CCNJL: variants seen among roughly 807,000 people sequenced by gnomAD.
CCNJL encodes cyclin J like.
CCNJL carries 33 observed loss-of-function variants against 33.4 expected under a neutral mutation model. The observed-to-expected ratio is 0.99, with a 90% CI of 0.75 to 1.32. The LOEUF (loss-of-function observed/expected upper bound fraction) is 1.32. CCNJL is among the 40% of genes most tolerant of loss of function. CCNJL has a pLI of 0.00. For missense variants in CCNJL, 512 were observed against 499.7 expected (o/e 1.02, Z -0.23); for synonymous variants, 227 against 220.9 (o/e 1.03, Z -0.24).
In CCNJL at chr5:160,252,104, G is replaced by A. The variant is rs139894583; in HGVS notation, c.*1274C>T. 1,477 of 152,818 alleles carry A rather than the reference G, an allele frequency of 9.7e-3. 24 individuals are homozygous for A. Among genetic ancestry groups the A allele is most frequent in the African/African-American group, 0.033 (1,362 of 41,564 alleles). The allele number at this position is 152,818 out of a possible 1,614,324, so 9.5% of individuals were successfully genotyped here. ...TTTGCACCTCCCAGTTCTGCTGGGTGAACAATGTGTCCCCCAACCCCAAAC... is the reference window on the plus strand; with the variant it reads ...TTTGCACCTCCCAGTTCTGCTGGGTAAACAATGTGTCCCCCAACCCCAAAC... On this transcript the variant is annotated 3_prime_UTR_variant, in exon 6 of 6. Transcript: ENST00000257536.
intron 1 of CCNJL, 91 bp from the exon 2 acceptor site, chr5:160,312,063 C>T (rs1044245779): frequency 1.2e-6 from 1 of 819,898 alleles, no homozygotes; most frequent in East Asian, 2.7e-5. Context: ...GGCCCCGGGC[C>T]CCGGCGGGCG....
chr5:160,276,826 C>T (rs1239043746), intron 3 of CCNJL, among the ~76,000 whole-genome samples: 1 of 152,066 alleles, frequency 6.6e-6, no homozygotes, highest in African/African-American at 2.4e-5. Flanking sequence ...TTCTGTCACC[C>T]AGGCTGGAGT....
upstream of CCNJL, among the ~76,000 whole-genome samples, chr5:160,317,194 T>A (rs562963776): frequency 2.0e-4 from 31 of 152,238 alleles, no homozygotes; most frequent in Non-Finnish European, 4.3e-4. Context: ...CCAAATCCTT[T>A]ATGATCCTTG....
chr5:160,260,046 G>A (rs535823775), intron 3 of CCNJL, among the ~76,000 whole-genome samples: 1 of 152,316 alleles, frequency 6.6e-6, no homozygotes, highest in East Asian at 1.9e-4. Flanking sequence ...TACTTCATAA[G>A]GCTTTTGTTA....
intron 2 of CCNJL, among the ~76,000 whole-genome samples, chr5:160,297,583 G>C (rs1762786880): frequency 6.6e-6 from 1 of 150,398 alleles, no homozygotes. Flanking sequence ...AAGAAGCCAA[G>C]GTGGGAGGAT....
rs985683513 is a variant in CCNJL at position 160,311,955 on chromosome 5, C to G, written c.-32G>C. On this transcript the variant is annotated 5_prime_UTR_variant, in exon 2 of 6. Coordinates refer to ENST00000257536, the MANE Select transcript of CCNJL (RefSeq NM_001308173.3). ...CGCAGCGCCGCTATCCGAGGCTACC[C>G]GGCTCTCAGGGCGCACCCTGCGTGG... 1.2e-6 allele frequency: 2 copies of G among 1,610,762 alleles called. No homozygotes were observed.
rs1435863626 is a variant in CCNJL at position 160,280,529 on chromosome 5, A to C, written c.276T>G (p.Leu92=). 1 of 1,612,266 alleles carries C rather than the reference A, an allele frequency of 6.2e-7. No homozygotes were observed. Among genetic ancestry groups the C allele is most frequent in the South Asian group, 1.1e-5 (1 of 91,040 alleles). ...LYTVAVSCLL[L]ASKFEDREDH... ...AAGACGTAGGTTTTCGCTTACTTGCAAGCAGGAGGCAGGAGACGGCCACGG... is the reference window on the plus strand; with the variant it reads ...AAGACGTAGGTTTTCGCTTACTTGCCAGCAGGAGGCAGGAGACGGCCACGG... The change falls in exon 3 of 6, where the codon CTT becomes CTG. Residue 92 remains leucine (L), a synonymous_variant. Transcript: ENST00000257536.
rs757688602 is a variant in CCNJL at position 160,253,722 on chromosome 5, T to TG, written c.819dup (p.Thr274HisfsTer79). Reference sequence around the variant, plus strand: ...GGCTGGAACAGCACTTGAGTGGGGGTGGGGGGTGTGCCGGGCACCATTGCC... The same window carrying TG: ...GGCTGGAACAGCACTTGAGTGGGGGTGGGGGGGTGTGCCGGGCACCATTGCC... On this transcript the variant is annotated frameshift_variant, in exon 6 of 6. Coordinates refer to ENST00000257536, the MANE Select transcript of CCNJL (RefSeq NM_001308173.3). LOFTEE classifies it high-confidence loss of function. 6.3e-6 allele frequency: 10 copies of TG among 1,581,982 alleles called. No individual in the cohort carries two copies. In the Admixed American group the frequency reaches 7.0e-5, roughly 11 times the overall value.
At chr5:160,338,808 T>C (rs918972313) in intron 1 of CCNJL, among the ~76,000 whole-genome samples, 4 of 152,164 alleles carry the variant, frequency 2.6e-5, no homozygotes, top group Non-Finnish European at 5.9e-5. Flanking sequence ...TTCTTTTTTT[T>C]TGAGACTAAG....
intron 2 of CCNJL, among the ~76,000 whole-genome samples, chr5:160,305,564 T>C (rs1763068871): frequency 6.6e-6 from 1 of 152,300 alleles, no homozygotes; most frequent in South Asian, 2.1e-4. Context: ...AGAGAGCACA[T>C]CCGTTGGAGA....
chr5:160,320,834 TTTCTTTCTTTCTTTCC>T (rs201648942), intron 1 of CCNJL, among the ~76,000 whole-genome samples: 5,290 of 119,790 alleles, frequency 0.044, 165 homozygotes, highest in East Asian at 0.091. Flanking sequence ...TCTTTCTTTC[TTTCTTTCTTTCTTTCC>T]TTCTTTCTTT....
At chr5:160,265,924 A>T (rs1050813748) in intron 3 of CCNJL, among the ~76,000 whole-genome samples, 7 of 152,178 alleles carry the variant, frequency 4.6e-5, no homozygotes, top group Non-Finnish European at 1.0e-4. Context: ...CTATTCTTCC[A>T]CAAGAATGGC....
chr5:160,322,931 A>T (rs78490604), intron 1 of CCNJL, among the ~76,000 whole-genome samples: 7,760 of 142,326 alleles, frequency 0.055, 331 homozygotes, highest in African/African-American at 0.12. Context: ...TTAAAAAAAA[A>T]AATAATAAAA....
intron 1 of CCNJL, among the ~76,000 whole-genome samples, chr5:160,338,734 C>T (rs1482758830): frequency 6.6e-6 from 1 of 152,096 alleles, no homozygotes; most frequent in Non-Finnish European, 1.5e-5. Context: ...TACCATAGGG[C>T]CTGGCACATT....
At chr5:160,264,202 G>A (rs1761474311) in intron 3 of CCNJL, among the ~76,000 whole-genome samples, 1 of 152,138 alleles carries the variant, frequency 6.6e-6, no homozygotes, top group African/African-American at 2.4e-5. Flanking sequence ...TGGGATTACA[G>A]GCATTAGCCA....
intron 2 of CCNJL, among the ~76,000 whole-genome samples, chr5:160,297,654 CAA>C (rs59634260): frequency 0.18 from 19,012 of 107,334 alleles, 1,074 homozygotes; most frequent in African/African-American, 0.31. Flanking sequence ...TCTCTATTTA[CAA>C]AAAAAAAAAA....
intron 1 of CCNJL, among the ~76,000 whole-genome samples, chr5:160,334,941 C>T (rs913966532): frequency 3.9e-5 from 6 of 152,352 alleles, no homozygotes; most frequent in East Asian, 3.9e-4. Flanking sequence ...GCAACCATCA[C>T]GACTGTGTCC....
chr5:160,276,654 G>A (rs576113027), intron 3 of CCNJL, among the ~76,000 whole-genome samples: 36 of 152,286 alleles, frequency 2.4e-4, no homozygotes, highest in Admixed American at 5.2e-4. Context: ...TAATGGGTAC[G>A]AAGTTTCCTT....
At chr5:160,288,126 T>C (rs1008293595) in intron 2 of CCNJL, among the ~76,000 whole-genome samples, 1 of 152,154 alleles carries the variant, frequency 6.6e-6, no homozygotes, top group Non-Finnish European at 1.5e-5. Flanking sequence ...TTATTATTAT[T>C]TTTTAACATA....
Sources: allele counts gnomAD v4.1 joint callset (sites outside exome capture counted in the v4.1 genomes callset), GRCh38; gene constraint gnomAD v4.1.1; transcripts MANE v1.5; gene names NCBI Gene and HGNC (gene_info 2026-07-23, HGNC 2026-07-21).